Variants in EPM2A observed in about 807,000 individuals in gnomAD.
EPM2A encodes the protein EPM2A glucan phosphatase, laforin.
Under a neutral mutation model 26.5 loss-of-function variants are expected in EPM2A, and 21 were observed. The ratio of observed to expected loss-of-function variants is 0.79; its 90% CI spans 0.56 to 1.14. EPM2A has a LOEUF of 1.14. EPM2A is among the 50% of genes most tolerant of loss of function. The pLI is 0.00. For synonymous variants in EPM2A, 217 were observed against 177.6 expected, an observed-to-expected ratio of 1.22 and a Z score of -1.76; for missense variants, 458 against 440.8, an observed-to-expected ratio of 1.04 and a Z score of -0.35.
intron 4 of EPM2A, among the ~76,000 whole-genome samples, chr6:145,436,324 G>A (rs1778987914): frequency 6.6e-6 from 1 of 152,174 alleles, no homozygotes; most frequent in African/African-American, 2.4e-5. Flanking sequence ...GATTTTGTGT[G>A]AACGTATCTT....
intron 4 of EPM2A, among the ~76,000 whole-genome samples, chr6:145,468,972 G>T (rs1436290798): frequency 1.3e-5 from 2 of 151,994 alleles, no homozygotes; most frequent in Non-Finnish European, 2.9e-5. Flanking sequence ...TTTTAAAATG[G>T]GCAAAAGATC....
rs79043458 is a variant in EPM2A at position 145,470,523 on chromosome 6, T to C, written c.555+31999A>G. Among the ~76,000 whole-genome samples the C allele has an allele frequency of 3.2e-3, 488 of 152,290 alleles. 7 individuals are homozygous for C. Among genetic ancestry groups the C allele is most frequent in the African/African-American group, 0.011 (471 of 41,580 alleles). ...TTAAAATTGACTAGTCAATAATTTA[T>C]TTTTATATTTGCCATTTTAAAAACA... On this transcript the variant is annotated intron_variant, in intron 4 of 4. Transcript: ENST00000638717.
chr6:145,470,465 T>C (rs1457526379), intron 4 of EPM2A, among the ~76,000 whole-genome samples: 2 of 152,198 alleles, frequency 1.3e-5, no homozygotes, highest in African/African-American at 4.8e-5. Context: ...ATCATTATAG[T>C]TCATTTATAT....
At chr6:145,668,055 C>A (rs1388319169) in intron 2 of EPM2A, among the ~76,000 whole-genome samples, 1 of 147,074 alleles carries the variant, frequency 6.8e-6, no homozygotes, top group Admixed American at 6.8e-5. Flanking sequence ...GGGAGATATA[C>A]CTAAGGCTAG....
intron 1 of EPM2A, among the ~76,000 whole-genome samples, chr6:145,708,511 A>G (rs1294039593): frequency 1.3e-5 from 2 of 152,238 alleles, no homozygotes; most frequent in Non-Finnish European, 2.9e-5. Context: ...AGCTCAAGCC[A>G]TGGCTTCAGA....
At chr6:145,711,437 T>A (rs190366445) in intron 1 of EPM2A, among the ~76,000 whole-genome samples, 2 of 152,118 alleles carry the variant, frequency 1.3e-5, no homozygotes, top group African/African-American at 4.8e-5. Flanking sequence ...GAGTTGAGGT[T>A]TGAATATATT....
At chr6:145,453,417 A>C (rs986343086) in intron 4 of EPM2A, among the ~76,000 whole-genome samples, 1 of 152,166 alleles carries the variant, frequency 6.6e-6, no homozygotes, top group African/African-American at 2.4e-5. Flanking sequence ...GAGGTTTTTG[A>C]GAGAGCCAGT....
intron 4 of EPM2A, among the ~76,000 whole-genome samples, chr6:145,444,373 G>T (rs529798668): frequency 6.6e-6 from 1 of 152,152 alleles, no homozygotes. Flanking sequence ...TTTGTCTTTA[G>T]TTCTGTCTAT....
At chr6:145,711,616 G>A (rs1417343111) in intron 1 of EPM2A, among the ~76,000 whole-genome samples, 1 of 152,138 alleles carries the variant, frequency 6.6e-6, no homozygotes. Context: ...TGTCATGAAA[G>A]AGCTCAAAGA....
At chr6:145,516,781 A>T (rs118101544) in intron 2 of EPM2A, among the ~76,000 whole-genome samples, 2,517 of 152,298 alleles carry the variant, frequency 0.017, 31 homozygotes, top group Admixed American at 0.039. Flanking sequence ...ATGGAAAACC[A>T]TATGGCATTT....
chr6:145,467,491 G>A (rs1361131677), intron 4 of EPM2A, among the ~76,000 whole-genome samples: 2 of 152,110 alleles, frequency 1.3e-5, no homozygotes, highest in Non-Finnish European at 2.9e-5. Flanking sequence ...GGTAGGTTTA[G>A]CTGCTATACA....
chr6:145,662,756 G>A (rs1415887594), intron 2 of EPM2A, among the ~76,000 whole-genome samples: 1 of 152,134 alleles, frequency 6.6e-6, no homozygotes, highest in Non-Finnish European at 1.5e-5. Context: ...TGGAAAATGA[G>A]GAACCCGATC....
intron 2 of EPM2A, among the ~76,000 whole-genome samples, chr6:145,545,871 T>C (rs1473122307): frequency 1.3e-5 from 2 of 152,150 alleles, no homozygotes; most frequent in African/African-American, 2.4e-5. Context: ...CTTCCCTTTT[T>C]CTTCGCGTAC....
intron 4 of EPM2A, among the ~76,000 whole-genome samples, chr6:145,447,765 C>A (rs1779144824): frequency 1.3e-5 from 2 of 151,966 alleles, no homozygotes; most frequent in African/African-American, 4.8e-5. Flanking sequence ...ATAAGTATGC[C>A]ACTGTGATTT....
At chr6:145,438,200 T>C (rs540673337) in intron 4 of EPM2A, among the ~76,000 whole-genome samples, 2 of 152,102 alleles carry the variant, frequency 1.3e-5, no homozygotes, top group Admixed American at 1.3e-4. Context: ...TGGGACAAGG[T>C]CCCCAGTGGG....
intron 4 of EPM2A, among the ~76,000 whole-genome samples, chr6:145,452,532 C>T (rs900841318): frequency 1.6e-5 from 2 of 126,572 alleles, no homozygotes; most frequent in Non-Finnish European, 3.2e-5. Context: ...AATAGCCGGG[C>T]GTTGTGGCGG....
chr6:145,662,512 T>TA (rs1163495855), intron 2 of EPM2A, among the ~76,000 whole-genome samples: 1 of 152,176 alleles, frequency 6.6e-6, no homozygotes, highest in Non-Finnish European at 1.5e-5. Flanking sequence ...TTATGACTGA[T>TA]CATGATAGGT....
At chr6:145,440,398 A>T (rs1443809382) in intron 4 of EPM2A, among the ~76,000 whole-genome samples, 3 of 152,210 alleles carry the variant, frequency 2.0e-5, no homozygotes, top group African/African-American at 7.2e-5. Context: ...GTTGAGATTT[A>T]GGTGGTGACA....
At chr6:145,723,860 T>G (rs747014680) in intron 1 of EPM2A, among the ~76,000 whole-genome samples, 1 of 152,122 alleles carries the variant, frequency 6.6e-6, no homozygotes, top group Non-Finnish European at 1.5e-5. Context: ...CATAAAAGTT[T>G]CCTAGATTCT....
Sources: allele counts gnomAD v4.1 joint callset (sites outside exome capture counted in the v4.1 genomes callset), GRCh38; gene constraint gnomAD v4.1.1; transcripts MANE v1.5; gene names NCBI Gene and HGNC (gene_info 2026-07-23, HGNC 2026-07-21).